PLB1: variants seen among roughly 807,000 people sequenced by gnomAD.
The protein encoded by PLB1 is phospholipase B1, also known as phospholipase B1, membrane-associated.
A neutral mutation model predicts 227.4 loss-of-function variants in PLB1; 242 were observed. The observed-to-expected ratio is 1.06, with a 90% CI of 0.96 to 1.18. The LOEUF (loss-of-function observed/expected upper bound fraction) is 1.18. Among genes scored for constraint, PLB1 ranks in the 50% most tolerant of loss-of-function variants. The pLI is 0.00. For synonymous variants in PLB1, 757 were observed against 682.2 expected, an observed-to-expected ratio of 1.11 and a Z score of -1.71; for missense variants, 1,858 against 1,816.3, an observed-to-expected ratio of 1.02 and a Z score of -0.42.
intron 1 of PLB1, among the ~76,000 whole-genome samples, chr2:28,507,016 A>C (rs1226959742): frequency 6.6e-6 from 1 of 152,112 alleles, no homozygotes; most frequent in Non-Finnish European, 1.5e-5. Context: ...GTTGGGGCTT[A>C]CTGATCAACA....
At chr2:28,509,638 G>T (rs533892565) in intron 1 of PLB1, among the ~76,000 whole-genome samples, 1 of 151,982 alleles carries the variant, frequency 6.6e-6, no homozygotes, top group African/African-American at 2.4e-5. Context: ...TTTTTTTCTT[G>T]CATTCCCATC....
chr2:28,526,008 C>A, intron 6 of PLB1, 63 bp downstream of exon 6: 2 of 1,582,794 alleles, frequency 1.3e-6, no homozygotes. Flanking sequence ...ACAGCAGCAT[C>A]CTCTCTAATA....
intron 39 of PLB1, 60 bp downstream of exon 39, chr2:28,602,981 A>G (rs1350875348): frequency 1.4e-6 from 2 of 1,447,166 alleles, no homozygotes; most frequent in Non-Finnish European, 1.9e-6. Context: ...TCTGGCCCAC[A>G]TGCAGTGGTG....
At chr2:28,614,006 C>A in intron 43 of PLB1, 25 bp from the exon 44 acceptor site, 1 of 1,589,100 alleles carries the variant, frequency 6.3e-7, no homozygotes, top group Non-Finnish European at 8.6e-7. Flanking sequence ...CAGATAACTT[C>A]TCCATGTGTT....
At chr2:28,560,153 C>T (rs1467905918) in intron 17 of PLB1, among the ~76,000 whole-genome samples, 1 of 152,166 alleles carries the variant, frequency 6.6e-6, no homozygotes, top group Non-Finnish European at 1.5e-5. Flanking sequence ...CCAGGGTGGG[C>T]CACTCCTTGG....
chr2:28,571,908 A>T (rs1678072138), intron 20 of PLB1, among the ~76,000 whole-genome samples: 1 of 152,202 alleles, frequency 6.6e-6, no homozygotes, highest in African/African-American at 2.4e-5. Context: ...CCACTAAGAC[A>T]AGTGACAAAA....
chr2:28,642,156 G>C lies in PLB1; in HGVS notation c.4174-702G>C, dbSNP rs569293318. 2.0e-5 allele frequency among the ~76,000 whole-genome samples: 3 copies of C among 152,250 alleles called. No homozygotes were observed. The South Asian group carries it at 6.2e-4, about 32-fold the overall frequency. ...CCTGTCTCCAGACACTGACCCATGT[G>C]GGTCTCCTTTTCTATTTGTACCTCT... On this transcript the variant is annotated intron_variant, in intron 57 of 57. Transcript: ENST00000327757.
chr2:28,564,061 A>G (rs1452619846), intron 18 of PLB1, among the ~76,000 whole-genome samples: 2 of 152,138 alleles, frequency 1.3e-5, no homozygotes, highest in Non-Finnish European at 2.9e-5. Context: ...GCAATGTAGC[A>G]AGACCCAATC....
At chr2:28,517,319 T>A (rs539859637) in intron 2 of PLB1, among the ~76,000 whole-genome samples, 23 of 152,330 alleles carry the variant, frequency 1.5e-4, no homozygotes, top group African/African-American at 5.5e-4. Context: ...ACTGCATGTT[T>A]TTCCCTATTG....
chr2:28,564,202 A>G (rs1216683870), intron 18 of PLB1, among the ~76,000 whole-genome samples: 2 of 152,226 alleles, frequency 1.3e-5, no homozygotes, highest in Admixed American at 6.5e-5. Context: ...CAATGGTGCA[A>G]CTGCACTCCA....
At chr2:28,599,692 C>T (rs766498066) in intron 35 of PLB1, among the ~76,000 whole-genome samples, 14 of 152,308 alleles carry the variant, frequency 9.2e-5, no homozygotes, top group Non-Finnish European at 1.8e-4. Flanking sequence ...TCTCTGCTCA[C>T]GGTAACCTCC....
At chr2:28,591,596 G>C (rs533053569) in intron 30 of PLB1, 104 bp from the exon 31 acceptor site, 1 of 1,213,140 alleles carries the variant, frequency 8.2e-7, no homozygotes, top group Admixed American at 1.9e-5. Context: ...CTAGGAGTAG[G>C]ACCCAGGAAT....
chr2:28,525,802 C>A (rs1670167173), intron 5 of PLB1, 103 bp from the exon 6 acceptor site: 2 of 1,414,644 alleles, frequency 1.4e-6, no homozygotes, highest in African/African-American at 2.8e-5. Flanking sequence ...CAGAGCAAGG[C>A]TAGGCCAAAG....
chr2:28,615,511 T>C (rs543676154), intron 44 of PLB1, among the ~76,000 whole-genome samples: 2 of 152,306 alleles, frequency 1.3e-5, no homozygotes, highest in African/African-American at 4.8e-5. Flanking sequence ...TAAGAACTAT[T>C]GGATGCTAAG....
At position 28,582,241 on chromosome 2, in the gene PLB1, C is replaced by T; in HGVS notation, c.1632+108C>T. 1.6e-5 allele frequency: 21 copies of T among 1,353,698 alleles called. No individual in the cohort carries two copies. In the South Asian group the frequency reaches 2.5e-4, roughly 16 times the overall value. The allele number at this position is 1,353,698 out of a possible 1,614,324, so 83.9% of individuals were successfully genotyped here. On this transcript the variant is annotated intron_variant, in intron 24 of 57. Transcript: ENST00000327757. Reference sequence around the variant, plus strand: ...TTGGCAGGTCACCTTTGTTGTGGATCCCAGCCCAAATGCATAGAGGGGGAG... The same window carrying T: ...TTGGCAGGTCACCTTTGTTGTGGATTCCAGCCCAAATGCATAGAGGGGGAG...
chr2:28,598,216 C>T (rs1158981258), intron 34 of PLB1, among the ~76,000 whole-genome samples, 168 bp downstream of exon 34: 1 of 152,194 alleles, frequency 6.6e-6, no homozygotes, highest in African/African-American at 2.4e-5. Context: ...GTAAAATAAA[C>T]ACCAGATTTA....
intron 25 of PLB1, among the ~76,000 whole-genome samples, chr2:28,585,383 C>T (rs1680736423): frequency 6.6e-6 from 1 of 152,024 alleles, no homozygotes. Context: ...TCAAGCGATT[C>T]TCATGCCTCA....
chr2:28,541,841 G>A (rs779933719), intron 13 of PLB1, 30 bp downstream of exon 13: 20 of 1,552,412 alleles, frequency 1.3e-5, no homozygotes, highest in East Asian at 2.2e-5. Context: ...CGTATCAAGA[G>A]TGTGGTGGGG....
chr2:28,638,914 T>G (rs935773246), intron 56 of PLB1, among the ~76,000 whole-genome samples: 7 of 145,530 alleles, frequency 4.8e-5, no homozygotes, highest in African/African-American at 1.8e-4. Context: ...AATACAAAAA[T>G]TATCCAGGCG....
Sources: gnomAD v4.1 joint callset for allele counts (sites outside exome capture counted in the v4.1 genomes callset) on GRCh38, gnomAD v4.1.1 for gene constraint, MANE v1.5 for transcripts, NCBI Gene and HGNC (gene_info 2026-07-23, HGNC 2026-07-21) for gene names.